Variants in SH3GL1 observed in about 807,000 individuals in gnomAD.
SH3GL1 encodes SH3 domain containing GRB2 like 1, endophilin A2.
Under a neutral mutation model 48.8 loss-of-function variants are expected in SH3GL1, and 21 were observed. The ratio of observed to expected loss-of-function variants is 0.43; its 90% CI spans 0.30 to 0.62. The LOEUF is 0.62. Among genes scored for constraint, SH3GL1 ranks in the 20% least tolerant of loss-of-function variants. The pLI, the probability that SH3GL1 is intolerant of heterozygous loss-of-function variation, is 0.11. For missense variants in SH3GL1, 454 were observed against 503.0 expected (o/e 0.90, Z 0.93); for synonymous variants, 282 against 217.5 (o/e 1.30, Z -2.61).
rs751509720 is a variant in SH3GL1 at position 4,363,385 on chromosome 19, T to C, written c.713A>G (p.Glu238Gly). Reference protein sequence around the residue: ...QAVQILDELAEKLKRRMREAS... With the variant: ...QAVQILDELAGKLKRRMREAS... The stretch of plus-strand genomic sequence containing the variant: ...CTGGGCTCACCTGCGCTTGAGCTTC[T>C]CCGCCAGCTCGTCCAGGATCTGCAC... Residue 238 changes from glutamate (E) to glycine (G), a missense_variant, in exon 7 of 10, where the codon GAG becomes GGG. Glu to Gly is a moderately conservative substitution (Grantham distance 98, BLOSUM62 -2). Around this residue, in one of 2 missense-constraint regions of SH3GL1, gnomAD observed 278 missense variants for 246.8 expected, o/e 1.13. Coordinates refer to ENST00000269886, the MANE Select transcript of SH3GL1 (RefSeq NM_003025.4). 1.2e-6 allele frequency: 2 copies of C among 1,606,282 alleles called. No individual in the cohort carries two copies. The highest frequency in any genetic ancestry group is 1.7e-5 in the Admixed American group (1 of 59,222).
At chr19:4,365,036 T>A (rs1229155256) in intron 4 of SH3GL1, among the ~76,000 whole-genome samples, 2 of 151,916 alleles carry the variant, frequency 1.3e-5, no homozygotes, top group African/African-American at 4.8e-5. Flanking sequence ...ATTACAGGCA[T>A]GAGCCACCAC....
chr19:4,384,678 A>G (rs564417229), intron 1 of SH3GL1, among the ~76,000 whole-genome samples: 1 of 152,000 alleles, frequency 6.6e-6, no homozygotes, highest in Non-Finnish European at 1.5e-5. Context: ...AAACTTGGAG[A>G]CTCTAAATGT....
In SH3GL1 at chr19:4,360,763, T is replaced by C; in HGVS notation, c.*837A>G. 1 of 233,516 alleles carries C rather than the reference T, an allele frequency of 4.3e-6. No individual in the cohort carries two copies. Among genetic ancestry groups the C allele is most frequent in the Non-Finnish European group, 8.5e-6 (1 of 118,244 alleles). 14.5% of individuals were successfully genotyped at this position (233,516 alleles called of 1,614,324 possible). On this transcript the variant is annotated 3_prime_UTR_variant, in exon 10 of 10. Transcript: ENST00000269886. ...TCACTGGAACCTTTGTGCTTGGCCCTCGGCAGCGCGGCTGTGGTCCCGTGT... is the reference window on the plus strand; with the variant it reads ...TCACTGGAACCTTTGTGCTTGGCCCCCGGCAGCGCGGCTGTGGTCCCGTGT...
intron 8 of SH3GL1, 97 bp from the exon 9 acceptor site, chr19:4,362,482 C>T (rs189922690): frequency 4.6e-4 from 716 of 1,568,760 alleles, no homozygotes; most frequent in Middle Eastern, 1.0e-3. Context: ...TCTGCCTTGG[C>T]GGTCCAGATG....
chr19:4,386,942 T>G (rs1049177064), intron 1 of SH3GL1, among the ~76,000 whole-genome samples: 1 of 152,222 alleles, frequency 6.6e-6, no homozygotes, highest in African/African-American at 2.4e-5. Flanking sequence ...GTATTTCTTT[T>G]TCTTTTTCTT....
At position 4,365,620 on chromosome 19, in the gene SH3GL1, G is replaced by A. The variant is rs781544249; in HGVS notation, c.193C>T (p.Arg65Trp). ...GTGTTGAGCATGGTCAGCTTAGCCC[G>A]CGAGGCTGGGATAGGATGGCCAGGT... ...IEYLQPNPAS[R>W]AKLTMLNTVS... The change falls in exon 4 of 10, where the codon CGG (arginine) becomes TGG (tryptophan). Residue 65 changes from arginine (R) to tryptophan (W), a missense_variant. Arg to Trp is a moderately radical substitution (Grantham distance 101, BLOSUM62 -3). This residue lies in a region of SH3GL1 where 176 missense variants were observed against 256.2 expected (regional missense o/e 0.69). Coordinates refer to ENST00000269886, the MANE Select transcript of SH3GL1 (RefSeq NM_003025.4). 9.9e-6 allele frequency: 16 copies of A among 1,613,846 alleles called. No homozygotes were observed. The highest frequency in any genetic ancestry group is 4.0e-5 in the African/African-American group (3 of 74,936).
intron 6 of SH3GL1, 98 bp from the exon 7 acceptor site, chr19:4,363,571 A>AG: frequency 7.7e-7 from 1 of 1,290,798 alleles, no homozygotes; most frequent in Non-Finnish European, 1.1e-6. Flanking sequence ...GGGGGCTGAG[A>AG]GGGGACAGGG....
chr19:4,374,443 A>G (rs1972965421), intron 1 of SH3GL1, among the ~76,000 whole-genome samples: 1 of 152,196 alleles, frequency 6.6e-6, no homozygotes, highest in Admixed American at 6.5e-5. Context: ...CAGCAAAGTC[A>G]CCAGCGGGAG....
At chr19:4,378,904 A>C (rs960777006) in intron 1 of SH3GL1, among the ~76,000 whole-genome samples, 3 of 152,102 alleles carry the variant, frequency 2.0e-5, no homozygotes, top group African/African-American at 7.2e-5. Flanking sequence ...TAAGAAGAAG[A>C]AGAAAAGGAA....
chr19:4,399,269 G>A (rs549994420), intron 1 of SH3GL1, among the ~76,000 whole-genome samples: 1 of 133,736 alleles, frequency 7.5e-6, no homozygotes, highest in South Asian at 2.3e-4. Flanking sequence ...GCAGTGAGCC[G>A]AGATTGCACC....
At chr19:4,370,121 C>T (rs1972867723) in intron 1 of SH3GL1, among the ~76,000 whole-genome samples, 1 of 152,242 alleles carries the variant, frequency 6.6e-6, no homozygotes, top group Admixed American at 6.5e-5. Flanking sequence ...CGCCTCTGGG[C>T]TCGCTGTCAG....
At chr19:4,375,830 C>T (rs139017489) in intron 1 of SH3GL1, among the ~76,000 whole-genome samples, 91 of 152,378 alleles carry the variant, frequency 6.0e-4, no homozygotes, top group African/African-American at 2.1e-3. Flanking sequence ...CTCCGCCTGG[C>T]AGGGAAACAC....
At chr19:4,371,096 C>T (rs989347550) in intron 1 of SH3GL1, among the ~76,000 whole-genome samples, 1 of 152,250 alleles carries the variant, frequency 6.6e-6, no homozygotes, top group Non-Finnish European at 1.5e-5. Flanking sequence ...GGGTTTTGCC[C>T]CAGAGCATGG....
At chr19:4,362,527 G>A (rs1359940944) in intron 8 of SH3GL1, 85 bp downstream of exon 8, 37 of 1,594,914 alleles carry the variant, frequency 2.3e-5, no homozygotes, top group Middle Eastern at 3.6e-4. Context: ...GGAGTCTGGC[G>A]CTCAGAGACC....
rs963245974 is a variant in SH3GL1, at chr19:4,389,246, G to C, written c.45+11078C>G. On this transcript the variant is annotated intron_variant, in intron 1 of 9. Transcript: ENST00000269886. This position sits in a 1 kb window ranked among gnomAD's most constrained non-coding sequence, Gnocchi z 4.5. ...CAGGAGCTGCCGTCCGATGGGAGGA[G>C]AGCACCTCACACGAACACCAGCGTG... 5.3e-5 allele frequency among the ~76,000 whole-genome samples: 8 copies of C among 152,198 alleles called. No homozygotes were observed. The highest frequency in any genetic ancestry group is 1.2e-4 in the African/African-American group (5 of 41,456).
At chr19:4,368,064 G>A (rs1568410282) in intron 1 of SH3GL1, among the ~76,000 whole-genome samples, 1 of 152,360 alleles carries the variant, frequency 6.6e-6, no homozygotes, top group South Asian at 2.1e-4. Context: ...GAAGTCATCG[G>A]CAAATTTAAC....
chr19:4,377,843 G>A (rs1973041149), intron 1 of SH3GL1, among the ~76,000 whole-genome samples: 1 of 152,224 alleles, frequency 6.6e-6, no homozygotes. Context: ...AATGGCCCGA[G>A]TCCCCCCACC....
At chr19:4,391,492 C>G (rs1332857406) in intron 1 of SH3GL1, among the ~76,000 whole-genome samples, 1 of 152,224 alleles carries the variant, frequency 6.6e-6, no homozygotes, top group East Asian at 1.9e-4. Flanking sequence ...TTTAGCCGAA[C>G]TTTCAGCCCT....
intron 3 of SH3GL1, 92 bp downstream of exon 3, chr19:4,366,409 A>G: frequency 9.8e-7 from 1 of 1,016,202 alleles, no homozygotes; most frequent in Non-Finnish European, 1.5e-6. Flanking sequence ...CCCACAACCC[A>G]TGAGCCTGGC....
Sources: gnomAD v4.1 joint callset for allele counts (sites outside exome capture counted in the v4.1 genomes callset) on GRCh38, gnomAD v4.1.1 for gene constraint, gnomAD v4.1.1 regional missense constraint, Gnocchi (gnomAD v3.1) non-coding constraint, MANE v1.5 for transcripts, NCBI Gene and HGNC (gene_info 2026-07-23, HGNC 2026-07-21) for gene names.